The following PLXNA2 variants were observed in gnomAD, a reference collection of about 807,000 sequenced individuals.
PLXNA2 encodes plexin-A2.
Under a neutral mutation model 193.5 loss-of-function variants are expected in PLXNA2, and 91 were observed. That is an observed-to-expected ratio of 0.47 (90% confidence interval 0.40 to 0.56). The LOEUF (loss-of-function observed/expected upper bound fraction) is 0.56. Ranked by LOEUF, PLXNA2 falls within the 20% of genes least tolerant of loss-of-function variation. The probability of loss-of-function intolerance (pLI) is 0.00; values close to 1 mark genes in which losing one functional copy is unlikely to be tolerated. For synonymous variants in PLXNA2, 997 were observed against 1,027.3 expected (o/e 0.97, Z 0.56); for missense variants, 1,995 against 2,503.2 (o/e 0.80, Z 4.33).
chr1:208,075,629 T>C (rs906060972), intron 12 of PLXNA2, among the ~76,000 whole-genome samples: 7 of 152,250 alleles, frequency 4.6e-5, no homozygotes, highest in African/African-American at 1.7e-4. Flanking sequence ...TTAGTGTTCA[T>C]TGACCATTCT....
chr1:208,220,750 T>C (rs974042981), intron 1 of PLXNA2, among the ~76,000 whole-genome samples: 2 of 152,126 alleles, frequency 1.3e-5, no homozygotes, highest in African/African-American at 4.8e-5. Flanking sequence ...CCTGTTATTG[T>C]CTTTGAAGAC....
chr1:208,051,014 C>T lies in PLXNA2; in HGVS notation c.3250G>A (p.Val1084Ile), dbSNP rs748729396. Residue 1084 changes from valine (V) to isoleucine (I), a missense_variant, in exon 17 of 32, where the codon GTC (valine) becomes ATC (isoleucine). By Grantham distance (29) the Val-to-Ile change is conservative. Coordinates refer to ENST00000367033, the MANE Select transcript of PLXNA2 (RefSeq NM_025179.4). The stretch of plus-strand genomic sequence containing the variant: ...GCAGACCAACAGTTACTCACATTGA[C>T]AGATTCTTTGCCATTGAATTTGACT... ...IRVKFNGKES[V>I]NVCKVVNTTT... is the part of the protein sequence containing the mutation. 1.1e-5 allele frequency: 17 copies of T among 1,611,436 alleles called. No individual in the cohort carries two copies. The South Asian group carries it at 1.6e-4, about 16-fold the overall frequency.
chr1:208,096,887 T>C lies in PLXNA2; in HGVS notation c.1732-4A>G. The C allele has an allele frequency of 6.2e-7, 1 of 1,612,536 alleles. No homozygotes were observed. Among genetic ancestry groups the C allele is most frequent in the Non-Finnish European group, 8.5e-7 (1 of 1,179,606 alleles). On this transcript the variant is annotated splice_polypyrimidine_tract_variant and splice_region_variant and intron_variant, in intron 6 of 31. Transcript: ENST00000367033. ...CATCACTCACTACCAGGCTAAGCTG[T>C]GGGAGGAGCAAAGAGATGATGCCAA...
intron 21 of PLXNA2, among the ~76,000 whole-genome samples, chr1:208,042,578 C>G (rs928868194): frequency 6.6e-6 from 1 of 152,300 alleles, no homozygotes; most frequent in African/African-American, 2.4e-5. Context: ...TGCACTGGGC[C>G]GGGGAGGCTG....
chr1:208,072,072 T>C lies in PLXNA2; in HGVS notation c.2586+7188A>G, dbSNP rs1224298724. Among the ~76,000 whole-genome samples the C allele has an allele frequency of 2.6e-5, 4 of 152,230 alleles. No homozygotes were observed. In the East Asian group the frequency reaches 7.7e-4, roughly 29 times the overall value. The stretch of plus-strand genomic sequence containing the variant: ...AGGAGTGATGGATCATCTCAAACTA[T>C]TAAGGTATCAAAAATTATTTGAGCT... On this transcript the variant is annotated intron_variant, in intron 12 of 31. Coordinates refer to ENST00000367033, the MANE Select transcript of PLXNA2 (RefSeq NM_025179.4).
rs546906236 is a variant in PLXNA2, at chr1:208,173,758, A to T, written c.1372-31295T>A. On this transcript the variant is annotated intron_variant, in intron 3 of 31. Coordinates refer to ENST00000367033, the MANE Select transcript of PLXNA2 (RefSeq NM_025179.4). ...TGAAAATGTTACCAGCTGAACTAGCATTGGCCAGCCATATTGGGGCCAAGA... is the reference window on the plus strand; with the variant it reads ...TGAAAATGTTACCAGCTGAACTAGCTTTGGCCAGCCATATTGGGGCCAAGA... 2.0e-5 allele frequency among the ~76,000 whole-genome samples: 3 copies of T among 152,360 alleles called. No homozygotes were observed. In the East Asian group the frequency reaches 5.8e-4, roughly 29 times the overall value.
In PLXNA2 at chr1:208,168,874, A is replaced by G. The variant is rs1485123498; in HGVS notation, c.1372-26411T>C. 2.6e-5 allele frequency among the ~76,000 whole-genome samples: 4 copies of G among 151,944 alleles called. No homozygotes were observed. The East Asian group carries it at 7.7e-4, about 29-fold the overall frequency. ...AACCAGGACATGAGGCCAGAGAAAC[A>G]GGACTTCTCAGCAGGCACAAGAAGC... is the stretch of plus-strand genomic sequence containing the variant. On this transcript the variant is annotated intron_variant, in intron 3 of 31. Transcript: ENST00000367033.
At position 208,036,610 on chromosome 1, in the gene PLXNA2, C is replaced by T. The variant is rs560046756; in HGVS notation, c.4764+1761G>A. 2.4e-4 allele frequency among the ~76,000 whole-genome samples: 37 copies of T among 152,274 alleles called. 2 individuals carry two copies. In the South Asian group the frequency reaches 5.6e-3, roughly 23 times the overall value. Reference sequence around the variant, plus strand: ...AGCACGCAGTAAGTGTTGGTATTAGCGTTGCTATTATGAGCATCATCATCA... The same window carrying T: ...AGCACGCAGTAAGTGTTGGTATTAGTGTTGCTATTATGAGCATCATCATCA... On this transcript the variant is annotated intron_variant, in intron 26 of 31. Coordinates refer to ENST00000367033, the MANE Select transcript of PLXNA2 (RefSeq NM_025179.4).
chr1:208,151,150 C>A (rs865928679), intron 3 of PLXNA2, among the ~76,000 whole-genome samples: 1 of 152,196 alleles, frequency 6.6e-6, no homozygotes, highest in Non-Finnish European at 1.5e-5. Context: ...TCAAATCATG[C>A]AGAAGCAAAG....
At chr1:208,031,172 G>A (rs1199638163) in intron 29 of PLXNA2, 2 of 1,006,804 alleles carry the variant, frequency 2.0e-6, no homozygotes, top group Non-Finnish European at 2.4e-6. Flanking sequence ...ATCTCAGGAA[G>A]TGCCTTAGAA....
chr1:208,217,272 T>C lies in PLXNA2; in HGVS notation c.651A>G (p.Leu217=). The change falls in exon 2 of 32, where the codon CTA becomes CTG. Residue 217 remains leucine (L), a synonymous_variant. Coordinates refer to ENST00000367033, the MANE Select transcript of PLXNA2 (RefSeq NM_025179.4). This position sits in a 1 kb window ranked among gnomAD's most constrained non-coding sequence, Gnocchi z 4.7. ...PESSAMLDYE[L]HSDFVSSLIK... ...TGAGAGAGGAGACAAAATCGCTGTG[T>C]AGCTCATAGTCGAGCATGGCTGAGG... 2 of 1,614,130 alleles carry C rather than the reference T, an allele frequency of 1.2e-6. No homozygotes were observed. The highest frequency in any genetic ancestry group is 1.7e-6 in the Non-Finnish European group (2 of 1,180,024).
intron 24 of PLXNA2, 101 bp downstream of exon 24, chr1:208,039,520 C>G: frequency 2.0e-6 from 3 of 1,508,978 alleles, no homozygotes; most frequent in Non-Finnish European, 2.7e-6. Flanking sequence ...AGCCTCCCAT[C>G]CTCTTTATTG....
chr1:208,042,599 G>A (rs1246473430), intron 21 of PLXNA2, among the ~76,000 whole-genome samples: 1 of 152,188 alleles, frequency 6.6e-6, no homozygotes, highest in African/African-American at 2.4e-5. Flanking sequence ...GGCTCCATGC[G>A]GAGCTCTCAG....
At chr1:208,187,451 C>G (rs981718682) in intron 3 of PLXNA2, among the ~76,000 whole-genome samples, 1 of 152,176 alleles carries the variant, frequency 6.6e-6, no homozygotes, top group Admixed American at 6.5e-5. Flanking sequence ...GAAGCAGGAG[C>G]AACAGCCTGA....
chr1:208,040,335 G>A (rs1664825425), intron 22 of PLXNA2: 2 of 484,226 alleles, frequency 4.1e-6, no homozygotes, highest in South Asian at 2.7e-5. Context: ...GGCTGCATCT[G>A]AGACAGGGTC....
chr1:208,148,643 C>T lies in PLXNA2; in HGVS notation c.1372-6180G>A, dbSNP rs80302280. Among the ~76,000 whole-genome samples, 87 of 152,270 alleles carry T rather than the reference C, an allele frequency of 5.7e-4. 1 individual carries two copies. The East Asian group carries it at 9.7e-3, about 17-fold the overall frequency. ...AGGCCTGCGTTAGGAGCTGCAGATA[C>T]GTGATAAAGGATAAGGATCCCCTCA... is the stretch of plus-strand genomic sequence containing the variant. On this transcript the variant is annotated intron_variant, in intron 3 of 31. Transcript: ENST00000367033.
Position 208,217,177 on chromosome 1 carries a change from C to T in PLXNA2, c.746G>A (p.Ser249Asn). 2 of 1,614,154 alleles carry T rather than the reference C, an allele frequency of 1.2e-6. No homozygotes were observed. The highest frequency in any genetic ancestry group is 1.7e-6 in the Non-Finnish European group (2 of 1,180,032). Residue 249 changes from serine to asparagine, a missense_variant, in exon 2 of 32, where the codon AGT (serine) becomes AAT (asparagine). Around this residue, in one of 3 missense-constraint regions of PLXNA2, gnomAD observed 702 missense variants for 812.9 expected, o/e 0.86. Coordinates refer to ENST00000367033, the MANE Select transcript of PLXNA2 (RefSeq NM_025179.4). This position sits in a 1 kb window ranked among gnomAD's most constrained non-coding sequence, Gnocchi z 4.7. ...AGTGAGAAAGTAGACAAAGCCCCCA[C>T]TAGCAAAGCCGTAGATGTAGAAGAT... is the stretch of plus-strand genomic sequence containing the variant. ...FDIFYIYGFA[S>N]GGFVYFLTVQ...
At chr1:208,237,844 T>G (rs1319754565) in intron 1 of PLXNA2, among the ~76,000 whole-genome samples, 1 of 152,188 alleles carries the variant, frequency 6.6e-6, no homozygotes, top group Non-Finnish European at 1.5e-5. Flanking sequence ...ACTCCCTGAG[T>G]GTACTGTAAA....
At chr1:208,141,412 C>T (rs1668452142) in intron 4 of PLXNA2, among the ~76,000 whole-genome samples, 1 of 152,206 alleles carries the variant, frequency 6.6e-6, no homozygotes, top group Admixed American at 6.5e-5. Context: ...TGTGAAAGCT[C>T]TCTGGACCTT....
Sources: allele counts gnomAD v4.1 joint callset (sites outside exome capture counted in the v4.1 genomes callset), GRCh38; gene constraint gnomAD v4.1.1; regional missense constraint gnomAD v4.1.1; non-coding constraint Gnocchi (gnomAD v3.1); transcripts MANE v1.5; gene names NCBI Gene and HGNC (gene_info 2026-07-23, HGNC 2026-07-21).